Variants in CALU observed in about 807,000 individuals in gnomAD.
The protein encoded by CALU is calumenin, also known as IEF SSP 9302.
CALU carries 13 observed loss-of-function variants against 37.5 expected under a neutral mutation model. That is an observed-to-expected ratio of 0.35 (90% CI 0.23 to 0.55). CALU has a LOEUF of 0.55. Ranked by LOEUF, CALU falls within the 20% of genes least tolerant of loss-of-function variation. CALU has a pLI of 0.89. For synonymous variants in CALU, 114 were observed against 133.8 expected, an observed-to-expected ratio of 0.85 and a Z score of 1.02; for missense variants, 282 against 391.7, an observed-to-expected ratio of 0.72 and a Z score of 2.36.
chr7:128,761,409 A>C (rs1801111419), intron 5 of CALU: 1 of 152,178 alleles, frequency 6.6e-6, no homozygotes. Context: ...AAGAGTCTGG[A>C]CTATAGTCAC....
rs1435163591 is a variant in CALU at position 128,772,061 on chromosome 7, TTG to T, written c.*2896_*2897del. Reference sequence around the variant, plus strand: ...CATATTTGGGGCCACTGAGTTTTTTTTGTTTTTTTTTTTGTTTTGTTTTGTTT... The same window carrying T: ...CATATTTGGGGCCACTGAGTTTTTTTTTTTTTTTTTTGTTTTGTTTTGTTT... On this transcript the variant is annotated 3_prime_UTR_variant, in exon 7 of 7. Coordinates refer to ENST00000249364, the MANE Select transcript of CALU (RefSeq NM_001219.5). Among the ~76,000 whole-genome samples the T allele has an allele frequency of 6.3e-5, 5 of 78,744 alleles. No homozygotes were observed. Among genetic ancestry groups the T allele is most frequent in the African/African-American group, 1.8e-4 (5 of 27,576 alleles). 51.7% of individuals were successfully genotyped at this position (78,744 alleles called of 152,430 possible).
At position 128,769,479 on chromosome 7, in the gene CALU, TCA is replaced by T. The variant is rs1221612644; in HGVS notation, c.*317_*318del. On this transcript the variant is annotated 3_prime_UTR_variant, in exon 7 of 7. Transcript: ENST00000249364. The stretch of plus-strand genomic sequence containing the variant: ...GATATGAAGGATCAAGATCCTCAAC[TCA>T]CACATGTAGACAAACATTAGCTCTT... 1 of 182,002 alleles carries T rather than the reference TCA, an allele frequency of 5.5e-6. No individual in the cohort carries two copies. Among genetic ancestry groups the T allele is most frequent in the East Asian group, 1.4e-4 (1 of 7,122 alleles). The allele number at this position is 182,002 out of a possible 1,614,324, so 11.3% of individuals were successfully genotyped here.
At chr7:128,764,241 A>C (rs1801236203) in intron 5 of CALU, among the ~76,000 whole-genome samples, 1 of 152,072 alleles carries the variant, frequency 6.6e-6, no homozygotes, top group African/African-American at 2.4e-5. Context: ...CAACCTGGAC[A>C]ACATGGCGCA....
chr7:128,767,336 C>G (rs1470770336), intron 5 of CALU, 120 bp from the exon 6 acceptor site: 5 of 759,168 alleles, frequency 6.6e-6, no homozygotes, highest in East Asian at 2.5e-5. Context: ...CTAAAATACC[C>G]TTGTAGCTGC....
In CALU at chr7:128,772,486, T is replaced by TA. The variant is rs766373331; in HGVS notation, c.*3320dup. ...GTTTCTGACGGAGACAATAGAAACT[T>TA]ACTTAAAAGTAAAATTTAATTCTAG... On this transcript the variant is annotated 3_prime_UTR_variant, in exon 7 of 7. Transcript: ENST00000249364. The TA allele has an allele frequency of 6.2e-7, 1 of 1,610,364 alleles. No homozygotes were observed. The highest frequency in any genetic ancestry group is 8.5e-7 in the Non-Finnish European group (1 of 1,176,866).
rs145169514 is a variant in CALU, at chr7:128,740,257, G to A, written c.-12+825G>A. Among the ~76,000 whole-genome samples, 475 of 152,278 alleles carry A rather than the reference G, an allele frequency of 3.1e-3. 2 individuals are homozygous for A. Among genetic ancestry groups the A allele is most frequent in the African/African-American group, 0.011 (459 of 41,548 alleles). ...CCGTGGGTCTCCTGCTAAAACTTTT[G>A]AGCCTGTGATCTGAATTCCTAAGTG... On this transcript the variant is annotated intron_variant, in intron 1 of 6. Coordinates refer to ENST00000249364, the MANE Select transcript of CALU (RefSeq NM_001219.5).
At chr7:128,747,821 G>C (rs1800506232) in intron 1 of CALU, 1 of 152,302 alleles carries the variant, frequency 6.6e-6, no homozygotes, top group African/African-American at 2.4e-5. Flanking sequence ...GATTCTGAAA[G>C]TTTGAATCAG....
rs374853656 is a variant in CALU at position 128,753,785 on chromosome 7, T to G, written c.222-477T>G. Among the ~76,000 whole-genome samples, 11 of 152,242 alleles carry G rather than the reference T, an allele frequency of 7.2e-5. No homozygotes were observed. In the East Asian group the frequency reaches 1.7e-3, roughly 24 times the overall value. On this transcript the variant is annotated intron_variant, in intron 2 of 6. Coordinates refer to ENST00000249364, the MANE Select transcript of CALU (RefSeq NM_001219.5). ...ACTTTTTCTAAAATCAGCTAAATTTTTGAAGTCTGATGTAACTATTTTGAA... is the reference window on the plus strand; with the variant it reads ...ACTTTTTCTAAAATCAGCTAAATTTGTGAAGTCTGATGTAACTATTTTGAA...
At chr7:128,746,958 C>T (rs540674386) in intron 1 of CALU, among the ~76,000 whole-genome samples, 28 of 152,004 alleles carry the variant, frequency 1.8e-4, no homozygotes, top group Admixed American at 1.1e-3. Flanking sequence ...GTAGTAGAGA[C>T]GGGGTTTTAC....
intron 5 of CALU, among the ~76,000 whole-genome samples, chr7:128,762,634 T>C (rs1801165873): frequency 6.6e-6 from 1 of 152,052 alleles, no homozygotes; most frequent in Admixed American, 6.5e-5. Flanking sequence ...AAATTTATTA[T>C]AGAGCATTGC....
At position 128,769,809 on chromosome 7, in the gene CALU, C is replaced by A. The variant is rs956225037; in HGVS notation, c.*642C>A. 1 of 152,220 alleles carries A rather than the reference C, an allele frequency of 6.6e-6. No homozygotes were observed. The highest frequency in any genetic ancestry group is 1.5e-5 in the Non-Finnish European group (1 of 68,058). The allele number at this position is 152,220 out of a possible 1,614,324, so 9.4% of individuals were successfully genotyped here. A position where few individuals can be genotyped will look rare whatever the true frequency, so the allele number is the denominator to read the frequency against. On this transcript the variant is annotated 3_prime_UTR_variant, in exon 7 of 7. Transcript: ENST00000249364. ...CAAATTGATTTTCTTCTTTTTCCCC[C>A]TGTAGGACTGACTGTTGGCTAATTT...
chr7:128,756,367 G>T (rs944402005), intron 3 of CALU, among the ~76,000 whole-genome samples: 2 of 152,186 alleles, frequency 1.3e-5, no homozygotes, highest in Non-Finnish European at 2.9e-5. Flanking sequence ...AACGTAATGG[G>T]TATTTCTGCT....
chr7:128,748,763 C>T lies in CALU; in HGVS notation c.180C>T (p.Thr60=). 6.2e-7 allele frequency: 1 copy of T among 1,614,112 alleles called. No individual in the cohort carries two copies. The highest frequency in any genetic ancestry group is 1.1e-5 in the South Asian group (1 of 91,078). Residue 60 remains threonine (T), a synonymous_variant, in exon 2 of 7, where the codon ACC becomes ACT. Transcript: ENST00000249364. Reference sequence around the variant, plus strand: ...TCTTGGGTGCTGAAGAAGCAAAGACCTTTGATCAGCTGACACCAGAAGAGA... The same window carrying T: ...TCTTGGGTGCTGAAGAAGCAAAGACTTTTGATCAGCTGACACCAGAAGAGA... The part of the protein sequence containing the change: ...DAFLGAEEAK[T]FDQLTPEESK...
At chr7:128,766,888 A>G (rs1801356430) in intron 5 of CALU, among the ~76,000 whole-genome samples, 2 of 152,190 alleles carry the variant, frequency 1.3e-5, no homozygotes. Context: ...GGGAGATGGG[A>G]AAAAAGCCTT....
At chr7:128,752,217 T>C (rs150656561) in intron 2 of CALU, among the ~76,000 whole-genome samples, 2 of 152,178 alleles carry the variant, frequency 1.3e-5, no homozygotes, top group African/African-American at 4.8e-5. Flanking sequence ...CTGTCCCTTT[T>C]TTAAAAAAGA....
Position 128,771,561 on chromosome 7 carries a change from C to G in CALU, c.*2394C>G, listed in dbSNP as rs1269182133. ...GCTCTAAAATGTCAGAATGGGAACT[C>G]TCCTCGAAGTTCTCCCAAACTCAGA... On this transcript the variant is annotated 3_prime_UTR_variant, in exon 7 of 7. Transcript: ENST00000249364. 1 of 152,592 alleles carries G rather than the reference C, an allele frequency of 6.6e-6. No homozygotes were observed. The highest frequency in any genetic ancestry group is 1.5e-5 in the Non-Finnish European group (1 of 68,030). 9.5% of individuals were successfully genotyped at this position (152,592 alleles called of 1,614,324 possible).
chr7:128,756,405 G>A (rs1800884984), intron 3 of CALU, among the ~76,000 whole-genome samples: 5 of 152,310 alleles, frequency 3.3e-5, no homozygotes. Context: ...CTGAAGCACT[G>A]GCTGGGAAGC....
intron 5 of CALU, among the ~76,000 whole-genome samples, chr7:128,762,544 GCC>G (rs1285162280): frequency 2.7e-5 from 4 of 150,194 alleles, no homozygotes; most frequent in African/African-American, 9.8e-5. Context: ...TTAAAAAGAA[GCC>G]CCATCAGTGC....
In CALU at chr7:128,772,632, A is replaced by T. The variant is rs946529537; in HGVS notation, c.*3465A>T. The stretch of plus-strand genomic sequence containing the variant: ...GATTCATCTGTCATGGCCTTCCCAC[A>T]CACCATCTTCATGATGCAAGCTTGG... On this transcript the variant is annotated 3_prime_UTR_variant, in exon 7 of 7. Coordinates refer to ENST00000249364, the MANE Select transcript of CALU (RefSeq NM_001219.5). 6.2e-7 allele frequency: 1 copy of T among 1,614,046 alleles called. No individual in the cohort carries two copies. The highest frequency in any genetic ancestry group is 1.3e-5 in the African/African-American group (1 of 74,916).
Sources: gnomAD v4.1 joint callset for allele counts (sites outside exome capture counted in the v4.1 genomes callset) on GRCh38, gnomAD v4.1.1 for gene constraint, MANE v1.5 for transcripts, NCBI Gene and HGNC (gene_info 2026-07-23, HGNC 2026-07-21) for gene names.